SLC17A1: variants seen among roughly 807,000 people sequenced by gnomAD.
SLC17A1 encodes the protein sodium-dependent phosphate transport protein 1.
In SLC17A1, 51 loss-of-function variants were observed where a neutral mutation model predicts 53.5. That is an observed-to-expected ratio of 0.95 (90% CI 0.76 to 1.20). The LOEUF is 1.20. SLC17A1 is among the 50% of genes most tolerant of loss of function. The pLI is 0.00. For missense variants in SLC17A1, 538 were observed against 568.2 expected (o/e 0.95, Z 0.54); for synonymous variants, 179 against 198.8 (o/e 0.90, Z 0.84).
At chr6:25,806,416 C>T (rs1763955648) in intron 10 of SLC17A1, among the ~76,000 whole-genome samples, 1 of 152,138 alleles carries the variant, frequency 6.6e-6, no homozygotes, top group Admixed American at 6.5e-5. Context: ...ACACAACCAA[C>T]ATCATACGAA....
At chr6:25,729,245 C>G in the SLC17A1 span, among the ~76,000 whole-genome samples, 1 of 152,184 alleles carries the variant, frequency 6.6e-6, no homozygotes, top group Non-Finnish European at 1.5e-5. Context: ...GAAATGCTAG[C>G]TGAACTGGTT....
At chr6:25,786,515 A>G (rs1763385865) in intron 12 of SLC17A1, among the ~76,000 whole-genome samples, 1 of 152,330 alleles carries the variant, frequency 6.6e-6, no homozygotes, top group Admixed American at 6.5e-5. Flanking sequence ...ACTGATAGCC[A>G]GGCCCAAGGG....
At chr6:25,759,648 G>A in the SLC17A1 span, among the ~76,000 whole-genome samples, 11 of 152,124 alleles carry the variant, frequency 7.2e-5, no homozygotes, top group African/African-American at 1.4e-4. Flanking sequence ...GTGAGACTCC[G>A]TCTCAAAAAA....
chr6:25,826,422 C>A, intron 3 of SLC17A1, 39 bp downstream of exon 3: 1 of 1,512,022 alleles, frequency 6.6e-7, no homozygotes, highest in Non-Finnish European at 9.0e-7. Context: ...GCAAGACAGG[C>A]TTTTAAACAT....
Position 25,812,891 on chromosome 6 carries a change from G to A in SLC17A1, c.837C>T (p.Asn279=), listed in dbSNP as rs774231232. 2 of 1,613,042 alleles carry A rather than the reference G, an allele frequency of 1.2e-6. No homozygotes were observed. Among genetic ancestry groups the A allele is most frequent in the Non-Finnish European group, 1.7e-6 (2 of 1,178,988 alleles). The change falls in exon 8 of 13, where the codon AAC becomes AAT. Residue 279 remains asparagine, a synonymous_variant. Transcript: ENST00000244527. ...ACATTGGAGTGTATAGTGTCATGATGTTATGTGACCAGAAAAACGTAAAAC... is the reference window on the plus strand; with the variant it reads ...ACATTGGAGTGTATAGTGTCATGATATTATGTGACCAGAAAAACGTAAAAC... The part of the protein sequence containing the change: ...TGSFTFFWSH[N]IMTLYTPMFI...
At chr6:25,738,535 A>G in the SLC17A1 span, among the ~76,000 whole-genome samples, 1 of 152,122 alleles carries the variant, frequency 6.6e-6, no homozygotes, top group African/African-American at 2.4e-5. Context: ...AAAACAATCC[A>G]GAAAAGAAAA....
intron 12 of SLC17A1, among the ~76,000 whole-genome samples, chr6:25,793,599 G>T (rs1415034477): frequency 2.6e-5 from 4 of 151,980 alleles, no homozygotes; most frequent in African/African-American, 9.7e-5. Flanking sequence ...GCTCTTTTAG[G>T]CACTGAAGTC....
intron 3 of SLC17A1, among the ~76,000 whole-genome samples, chr6:25,823,592 A>AT (rs1343959684): frequency 6.6e-6 from 1 of 151,836 alleles, no homozygotes; most frequent in African/African-American, 2.4e-5. Flanking sequence ...TCATGTGAGT[A>AT]TTTTTCCTCT....
At chr6:25,744,326 A>T in the SLC17A1 span, among the ~76,000 whole-genome samples, 1 of 152,210 alleles carries the variant, frequency 6.6e-6, no homozygotes, top group East Asian at 1.9e-4. Context: ...GTGGTGAAGT[A>T]TGAGGAAACA....
chr6:25,731,904 C>T, the SLC17A1 span: 8 of 1,602,570 alleles, frequency 5.0e-6, no homozygotes, highest in East Asian at 1.4e-4. Flanking sequence ...GATGGTCGAG[C>T]GCTTGTCATA....
chr6:25,748,642 T>C, the SLC17A1 span, among the ~76,000 whole-genome samples: 1 of 152,182 alleles, frequency 6.6e-6, no homozygotes, highest in Non-Finnish European at 1.5e-5. Flanking sequence ...GGCACCGGTC[T>C]CTGAGTTTCC....
At chr6:25,821,908 A>C (rs1466133421) in intron 3 of SLC17A1, among the ~76,000 whole-genome samples, 1 of 130,994 alleles carries the variant, frequency 7.6e-6, no homozygotes, top group Non-Finnish European at 1.8e-5. Context: ...TCAGTAAGGA[A>C]AATGTATCCA....
the SLC17A1 span, among the ~76,000 whole-genome samples, chr6:25,750,138 G>T: frequency 6.6e-6 from 1 of 152,194 alleles, no homozygotes; most frequent in Admixed American, 6.5e-5. Context: ...CTTTTTTGGG[G>T]CATTGGCTTC....
the SLC17A1 span, among the ~76,000 whole-genome samples, chr6:25,736,159 A>G: frequency 2.6e-5 from 4 of 152,008 alleles, no homozygotes; most frequent in East Asian, 7.8e-4. Context: ...CTCAGATTCC[A>G]CTCTCTGAGG....
intron 12 of SLC17A1, among the ~76,000 whole-genome samples, chr6:25,793,429 A>G (rs1206624812): frequency 6.6e-6 from 1 of 152,168 alleles, no homozygotes; most frequent in Non-Finnish European, 1.5e-5. Flanking sequence ...AGAGAGGCAC[A>G]TTATTTTTTA....
chr6:25,757,757 G>A, the SLC17A1 span, among the ~76,000 whole-genome samples: 3 of 152,242 alleles, frequency 2.0e-5, no homozygotes, highest in South Asian at 6.2e-4. Context: ...GGCATTGGTG[G>A]TCTCTGGGTT....
chr6:25,800,789 G>A, intron 11 of SLC17A1, 101 bp downstream of exon 11: 1 of 725,678 alleles, frequency 1.4e-6, no homozygotes, highest in Admixed American at 2.5e-5. Flanking sequence ...AAACTCATAA[G>A]TCATCTCCTT....
rs139123305 is a variant in SLC17A1, at chr6:25,821,918, A to G, written c.208-2003T>C. Among the ~76,000 whole-genome samples the G allele has an allele frequency of 2.9e-3, 441 of 152,342 alleles. 11 individuals are homozygous for G. Among genetic ancestry groups the G allele is most frequent in the Admixed American group, 0.027 (412 of 15,302 alleles). On this transcript the variant is annotated intron_variant, in intron 3 of 12. Transcript: ENST00000244527. The stretch of plus-strand genomic sequence containing the variant: ...ATACCTCAGTAAGGAAAATGTATCC[A>G]GGTATCAATAGATAATTTATAAGAG...
chr6:25,735,438 GT>G, the SLC17A1 span, among the ~76,000 whole-genome samples: 1 of 152,192 alleles, frequency 6.6e-6, no homozygotes, highest in African/African-American at 2.4e-5. Context: ...AATGCAGTCT[GT>G]TCTGCAAAAG....
Sources: allele counts gnomAD v4.1 joint callset (sites outside exome capture counted in the v4.1 genomes callset), GRCh38; gene constraint gnomAD v4.1.1; transcripts MANE v1.5; gene names NCBI Gene and HGNC (gene_info 2026-07-23, HGNC 2026-07-21).